The following LRP1B variants were observed in gnomAD, a reference collection of about 807,000 sequenced individuals.
LRP1B encodes the protein LDL receptor related protein 1B, also known as low-density lipoprotein receptor-related protein 1B.
In LRP1B, 217 loss-of-function variants were observed where a neutral mutation model predicts 556.6. The ratio of observed to expected loss-of-function variants is 0.39; its 90% CI spans 0.35 to 0.44. The LOEUF (loss-of-function observed/expected upper bound fraction) is 0.44, where lower values mean the gene tolerates loss of function less well. LRP1B is among the 20% of genes least tolerant of loss of function. The pLI is 1.00. For missense variants in LRP1B, 5,053 were observed against 5,620.8 expected, an observed-to-expected ratio of 0.90 and a Z score of 3.23; for synonymous variants, 2,047 against 1,865.8, an observed-to-expected ratio of 1.10 and a Z score of -2.50.
intron 43 of LRP1B, among the ~76,000 whole-genome samples, chr2:140,565,830 C>T (rs1452433190): frequency 3.3e-5 from 5 of 152,110 alleles, no homozygotes; most frequent in African/African-American, 9.7e-5. Flanking sequence ...AGCTGGGAGT[C>T]AGGAGGAACT....
At chr2:140,934,027 G>A (rs1695129995) in intron 20 of LRP1B, among the ~76,000 whole-genome samples, 1 of 151,876 alleles carries the variant, frequency 6.6e-6, no homozygotes, top group Non-Finnish European at 1.5e-5. Context: ...TGTCTCAGTG[G>A]TATTATATTC....
chr2:140,420,856 G>A (rs1379120781), intron 66 of LRP1B, among the ~76,000 whole-genome samples: 1 of 152,154 alleles, frequency 6.6e-6, no homozygotes, highest in Non-Finnish European at 1.5e-5. Context: ...AGCAGTGGGA[G>A]GGAAATTTCT....
At chr2:141,467,106 ATATATATATATATATAT>A (rs1682248168) in intron 3 of LRP1B, among the ~76,000 whole-genome samples, 2 of 31,080 alleles carry the variant, frequency 6.4e-5, no homozygotes, top group Admixed American at 4.9e-4. Context: ...ATATGTGTAT[ATATATATATATATATAT>A]CTATATATAT....
chr2:141,720,020 G>C (rs763128350), intron 2 of LRP1B, among the ~76,000 whole-genome samples: 2 of 151,956 alleles, frequency 1.3e-5, no homozygotes, highest in Admixed American at 1.3e-4. Context: ...TGTTTTAAAA[G>C]GTATTCATTA....
At chr2:141,440,053 C>T (rs1007929353) in intron 3 of LRP1B, among the ~76,000 whole-genome samples, 2 of 152,166 alleles carry the variant, frequency 1.3e-5, no homozygotes, top group African/African-American at 4.8e-5. Flanking sequence ...GCAACAACAA[C>T]GTGAATTCCT....
chr2:141,499,630 T>C lies in LRP1B; in HGVS notation c.206-19097A>G, dbSNP rs553209059. On this transcript the variant is annotated intron_variant, in intron 2 of 90. Coordinates refer to ENST00000389484, the MANE Select transcript of LRP1B (RefSeq NM_018557.3). ...TCAGTTATTTAAATGAAGACTCAGA[T>C]GTCACATTTTAAAAATTTCCAAGTG... 2.6e-5 allele frequency among the ~76,000 whole-genome samples: 4 copies of C among 152,188 alleles called. No individual in the cohort carries two copies. The South Asian group carries it at 8.3e-4, about 32-fold the overall frequency.
At chr2:140,868,077 G>T (rs748847675) in intron 26 of LRP1B, 22 bp downstream of exon 26, 1 of 1,569,272 alleles carries the variant, frequency 6.4e-7, no homozygotes, top group South Asian at 1.2e-5. Context: ...AAAAAATACA[G>T]AAAAGAGATG....
intron 3 of LRP1B, among the ~76,000 whole-genome samples, chr2:141,340,356 A>G (rs1688012122): frequency 6.6e-6 from 1 of 152,226 alleles, no homozygotes. Context: ...TCAAAGTCTC[A>G]GCATACAATT....
chr2:141,905,017 T>A (rs1253752954), intron 1 of LRP1B, among the ~76,000 whole-genome samples: 4 of 151,872 alleles, frequency 2.6e-5, no homozygotes, highest in Non-Finnish European at 5.9e-5. Flanking sequence ...AGAACATTCA[T>A]ATAGTATAGA....
At chr2:140,895,584 C>T (rs567758292) in intron 23 of LRP1B, among the ~76,000 whole-genome samples, 19 of 152,258 alleles carry the variant, frequency 1.2e-4, no homozygotes, top group African/African-American at 4.3e-4. Context: ...CTTTGCTGTC[C>T]CTGGGTGGCT....
At chr2:141,914,811 CAAG>C (rs1699989548) in intron 1 of LRP1B, among the ~76,000 whole-genome samples, 1 of 152,178 alleles carries the variant, frequency 6.6e-6, no homozygotes, top group East Asian at 1.9e-4. Context: ...AAGATGTCTA[CAAG>C]AAGAACTACA....
chr2:141,010,288 G>A (rs1455447502), intron 14 of LRP1B, among the ~76,000 whole-genome samples: 2 of 151,852 alleles, frequency 1.3e-5, no homozygotes, highest in East Asian at 3.9e-4. Flanking sequence ...TATATGAGGA[G>A]GAGAAGAAAA....
Position 140,790,622 on chromosome 2 carries a change from G to T in LRP1B, c.5360-14384C>A, listed in dbSNP as rs191836714. On this transcript the variant is annotated intron_variant, in intron 32 of 90. Coordinates refer to ENST00000389484, the MANE Select transcript of LRP1B (RefSeq NM_018557.3). The stretch of plus-strand genomic sequence containing the variant: ...TAAATGGGGACATTTCTGAGTTTGG[G>T]TGCAAGCCTTCTACTAGGTAGTGAG... Among the ~76,000 whole-genome samples, 8 of 152,252 alleles carry T rather than the reference G, an allele frequency of 5.3e-5. No homozygotes were observed. In the East Asian group the frequency reaches 1.5e-3, roughly 29 times the overall value.
chr2:140,754,777 A>C (rs1688688963), intron 35 of LRP1B, among the ~76,000 whole-genome samples: 1 of 151,500 alleles, frequency 6.6e-6, no homozygotes, highest in Non-Finnish European at 1.5e-5. Flanking sequence ...TAGAAAAAAA[A>C]AAACAGCAAA....
At chr2:140,821,478 T>C (rs1399748704) in intron 31 of LRP1B, among the ~76,000 whole-genome samples, 1 of 152,184 alleles carries the variant, frequency 6.6e-6, no homozygotes, top group Non-Finnish European at 1.5e-5. Flanking sequence ...GTAATAAGTA[T>C]ATATCAATAA....
At chr2:140,639,889 A>T (rs1335241572) in intron 41 of LRP1B, among the ~76,000 whole-genome samples, 1 of 152,102 alleles carries the variant, frequency 6.6e-6, no homozygotes, top group Non-Finnish European at 1.5e-5. Flanking sequence ...CCTTGATTCA[A>T]CAAGTGTGCT....
chr2:140,363,108 C>G (rs987970823), intron 72 of LRP1B, among the ~76,000 whole-genome samples: 7 of 151,614 alleles, frequency 4.6e-5, no homozygotes, highest in Admixed American at 2.0e-4. Flanking sequence ...CTTTTCCATA[C>G]TTTTAATTAA....
chr2:141,321,122 G>A (rs1687221596), intron 3 of LRP1B, among the ~76,000 whole-genome samples: 1 of 152,084 alleles, frequency 6.6e-6, no homozygotes, highest in Non-Finnish European at 1.5e-5. Context: ...AATGTGGCAG[G>A]CTAGCATTAA....
chr2:141,114,297 T>A (rs1240012256), intron 7 of LRP1B, among the ~76,000 whole-genome samples: 1 of 152,188 alleles, frequency 6.6e-6, no homozygotes, highest in East Asian at 1.9e-4. Context: ...TAGCGAAAAG[T>A]CAGGGTGACA....
Sources: allele counts gnomAD v4.1 joint callset (sites outside exome capture counted in the v4.1 genomes callset), GRCh38; gene constraint gnomAD v4.1.1; transcripts MANE v1.5; gene names NCBI Gene and HGNC (gene_info 2026-07-23, HGNC 2026-07-21).